TRMT11: variants seen among roughly 807,000 people sequenced by gnomAD.
The protein encoded by TRMT11 is tRNA methyltransferase 11, also known as tRNA (guanine(10)-N(2))-methyltransferase TRMT11.
Under a neutral mutation model 62.8 loss-of-function variants are expected in TRMT11, and 53 were observed. The observed-to-expected ratio is 0.84, with a 90% CI of 0.68 to 1.06. The LOEUF (loss-of-function observed/expected upper bound fraction) is 1.06, where lower values mean the gene tolerates loss of function less well. TRMT11 is among the 50% of genes least tolerant of loss of function. The pLI is 0.00. For synonymous variants in TRMT11, 188 were observed against 190.3 expected, an observed-to-expected ratio of 0.99 and a Z score of 0.10; for missense variants, 556 against 553.4, an observed-to-expected ratio of 1.00 and a Z score of -0.05.
chr6:126,068,632 A>G (rs1678146073), intron 17 of TRMT11, among the ~76,000 whole-genome samples: 2 of 152,238 alleles, frequency 1.3e-5, no homozygotes, highest in East Asian at 3.9e-4. Context: ...TGTTTTAATC[A>G]TTGTAACTTT....
chr6:126,117,842 T>C (rs186585631), intron 21 of TRMT11, among the ~76,000 whole-genome samples: 13 of 152,224 alleles, frequency 8.5e-5, no homozygotes, highest in African/African-American at 3.1e-4. Context: ...CTACCACTTA[T>C]TAACTGCGTG....
chr6:126,062,301 C>T (rs1776557368), intron 17 of TRMT11, among the ~76,000 whole-genome samples: 1 of 152,186 alleles, frequency 6.6e-6, no homozygotes, highest in African/African-American at 2.4e-5. Flanking sequence ...GGAAAAATAC[C>T]AATTTTGTTC....
intron 1 of TRMT11, among the ~76,000 whole-genome samples, chr6:126,190,053 G>A (rs907666671): frequency 2.0e-5 from 3 of 151,712 alleles, no homozygotes; most frequent in Admixed American, 6.6e-5. Flanking sequence ...TCTTTGTGTT[G>A]GAAACATTAT....
intron 17 of TRMT11, among the ~76,000 whole-genome samples, chr6:126,105,005 G>A (rs752424073): frequency 2.6e-5 from 4 of 152,092 alleles, no homozygotes; most frequent in South Asian, 2.1e-4. Context: ...GAGCTGATCC[G>A]ATAAGGAGTT....
intron 21 of TRMT11, among the ~76,000 whole-genome samples, chr6:126,116,228 G>A (rs1777585543): frequency 6.6e-6 from 1 of 151,868 alleles, no homozygotes; most frequent in Non-Finnish European, 1.5e-5. Context: ...TGGGGCAATG[G>A]GAGTGTGCTG....
intron 16 of TRMT11, among the ~76,000 whole-genome samples, chr6:126,048,400 C>A (rs1037905962): frequency 2.0e-5 from 3 of 152,164 alleles, no homozygotes; most frequent in Non-Finnish European, 4.4e-5. Flanking sequence ...TTGCTAAAGA[C>A]CTGTGGTTTG....
intron 17 of TRMT11, among the ~76,000 whole-genome samples, chr6:126,062,967 A>G (rs1776579966): frequency 6.6e-6 from 1 of 152,250 alleles, no homozygotes; most frequent in Non-Finnish European, 1.5e-5. Context: ...AATATCCTGT[A>G]TCATCAGTAC....
chr6:126,125,912 C>A (rs892167999), intron 21 of TRMT11, among the ~76,000 whole-genome samples: 3 of 152,050 alleles, frequency 2.0e-5, no homozygotes, highest in Admixed American at 6.6e-5. Flanking sequence ...CTTCTTTCTC[C>A]GAAACACACA....
chr6:126,121,452 G>A (rs1034554166), intron 21 of TRMT11, among the ~76,000 whole-genome samples: 1 of 152,056 alleles, frequency 6.6e-6, no homozygotes, highest in African/African-American at 2.4e-5. Context: ...GCTCTACCAT[G>A]GTTTATTGAT....
intron 16 of TRMT11, among the ~76,000 whole-genome samples, chr6:126,044,514 A>G (rs1775989316): frequency 6.6e-6 from 1 of 152,160 alleles, no homozygotes; most frequent in African/African-American, 2.4e-5. Context: ...CTACATACCA[A>G]TTGAGAAGCA....
At chr6:126,235,231 A>G in the TRMT11 span, among the ~76,000 whole-genome samples, 1 of 152,212 alleles carries the variant, frequency 6.6e-6, no homozygotes, top group African/African-American at 2.4e-5. Flanking sequence ...ATGGAGAAAA[A>G]TGAATGCTTT....
the TRMT11 span, among the ~76,000 whole-genome samples, chr6:126,265,769 A>G: frequency 6.6e-6 from 1 of 152,216 alleles, no homozygotes; most frequent in Non-Finnish European, 1.5e-5. Context: ...ACTTGATCTT[A>G]GCATCAATAA....
chr6:126,021,412 G>A (rs1795791917), intron 12 of TRMT11, 132 bp downstream of exon 12: 2 of 1,129,076 alleles, frequency 1.8e-6, no homozygotes, highest in East Asian at 2.7e-5. Flanking sequence ...AATTTAGGAA[G>A]AGGCAGAAGT....
chr6:126,026,392 T>A (rs1039965158), intron 12 of TRMT11, among the ~76,000 whole-genome samples: 20 of 152,120 alleles, frequency 1.3e-4, no homozygotes, highest in South Asian at 1.0e-3. Flanking sequence ...TGTTTTTTTT[T>A]AATTTTTTTT....
At chr6:126,069,671 C>G (rs73594046) in intron 17 of TRMT11, among the ~76,000 whole-genome samples, 7 of 152,160 alleles carry the variant, frequency 4.6e-5, no homozygotes, top group African/African-American at 1.7e-4. Context: ...CAGTTGCTGC[C>G]GCCAGCAGAG....
chr6:126,036,954 C>T (rs1562297212), intron 12 of TRMT11, among the ~76,000 whole-genome samples: 2 of 152,006 alleles, frequency 1.3e-5, no homozygotes, highest in East Asian at 1.9e-4. Context: ...GTGGCTCTTA[C>T]ACCTCCTCTT....
chr6:126,212,162 A>G, the TRMT11 span, among the ~76,000 whole-genome samples: 5 of 152,034 alleles, frequency 3.3e-5, no homozygotes, highest in African/African-American at 1.2e-4. Context: ...TTCTTTATCC[A>G]TTTGTCTGCT....
At chr6:126,034,950 G>A (rs1352539545) in intron 12 of TRMT11, among the ~76,000 whole-genome samples, 1 of 152,030 alleles carries the variant, frequency 6.6e-6, no homozygotes, top group Non-Finnish European at 1.5e-5. Flanking sequence ...TCATGAAAAG[G>A]TGATGAAAAA....
intron 17 of TRMT11, among the ~76,000 whole-genome samples, chr6:126,101,239 G>T (rs191470860): frequency 3.3e-5 from 5 of 152,258 alleles, no homozygotes; most frequent in African/African-American, 1.2e-4. Flanking sequence ...GGAGATAGTC[G>T]AGGGGGCAGT....
Sources: gnomAD v4.1 joint callset for allele counts (sites outside exome capture counted in the v4.1 genomes callset) on GRCh38, gnomAD v4.1.1 for gene constraint, MANE v1.5 for transcripts, NCBI Gene and HGNC (gene_info 2026-07-23, HGNC 2026-07-21) for gene names.